The following USP25 variants were observed in gnomAD, a reference collection of about 807,000 sequenced individuals.
USP25 encodes the protein ubiquitin specific peptidase 25.
USP25 carries 85 observed loss-of-function variants against 158.5 expected under a neutral mutation model. That is an observed-to-expected ratio of 0.54 (90% CI 0.45 to 0.64). The LOEUF (loss-of-function observed/expected upper bound fraction) is 0.64. Among genes scored for constraint, USP25 ranks in the 30% least tolerant of loss-of-function variants. The probability of loss-of-function intolerance (pLI) is 0.00; values close to 1 mark genes in which losing one functional copy is unlikely to be tolerated. For missense variants in USP25, 1,242 were observed against 1,327.3 expected (o/e 0.94, Z 1.00); for synonymous variants, 464 against 460.4 (o/e 1.01, Z -0.10).
At chr21:15,861,593 A>G (rs2039429507) in intron 20 of USP25, among the ~76,000 whole-genome samples, 1 of 151,286 alleles carries the variant, frequency 6.6e-6, no homozygotes, top group Non-Finnish European at 1.5e-5. Flanking sequence ...ATATACTAGC[A>G]TGGAACATCT....
At chr21:15,845,874 G>A (rs1332348835) in intron 18 of USP25, among the ~76,000 whole-genome samples, 2 of 151,842 alleles carry the variant, frequency 1.3e-5, no homozygotes, top group Admixed American at 6.6e-5. Context: ...TCTGTAGAAT[G>A]TGTGTGATAG....
intron 1 of USP25, among the ~76,000 whole-genome samples, chr21:15,745,473 C>CTTTTTTTT (rs11284817): frequency 8.0e-5 from 9 of 112,988 alleles, no homozygotes; most frequent in Non-Finnish European, 1.2e-4. Context: ...TTTTTCTTTT[C>CTTTTTTTT]TTTTTTTTTT....
chr21:15,787,906 C>A (rs1165351836), intron 4 of USP25, among the ~76,000 whole-genome samples: 1 of 144,204 alleles, frequency 6.9e-6, no homozygotes, highest in Non-Finnish European at 1.5e-5. Context: ...CCCCTCACCC[C>A]CCCCCCAAGT....
intron 1 of USP25, among the ~76,000 whole-genome samples, chr21:15,733,625 G>A (rs1466853497): frequency 6.6e-6 from 1 of 152,064 alleles, no homozygotes; most frequent in Non-Finnish European, 1.5e-5. Flanking sequence ...CGGATCACGA[G>A]GTCAGGAGTT....
intron 1 of USP25, among the ~76,000 whole-genome samples, chr21:15,756,976 G>A (rs2123359719): frequency 6.6e-6 from 1 of 152,294 alleles, no homozygotes; most frequent in African/African-American, 2.4e-5. Flanking sequence ...GGAATTGCTG[G>A]TCAGGGAGAG....
intron 10 of USP25, among the ~76,000 whole-genome samples, chr21:15,823,369 G>A (rs2205588): frequency 0.076 from 11,595 of 152,036 alleles, 506 homozygotes; most frequent in East Asian, 0.099. Flanking sequence ...GCTGGGGGTA[G>A]GGGAAGGAAA....
At chr21:15,779,862 CAT>C (rs1270676821) in intron 4 of USP25, among the ~76,000 whole-genome samples, 1 of 151,968 alleles carries the variant, frequency 6.6e-6, no homozygotes, top group Non-Finnish European at 1.5e-5. Context: ...GTAAAAGAGT[CAT>C]ATTAATTATG....
intron 18 of USP25, among the ~76,000 whole-genome samples, chr21:15,844,741 T>C: frequency 6.6e-6 from 1 of 152,298 alleles, no homozygotes; most frequent in East Asian, 1.9e-4. Context: ...TCACTACTCA[T>C]AGTTAATTAT....
chr21:15,769,280 T>G (rs566129638), intron 3 of USP25, among the ~76,000 whole-genome samples: 1 of 152,188 alleles, frequency 6.6e-6, no homozygotes, highest in South Asian at 2.1e-4. Context: ...TACCTTTCAC[T>G]TTTGAGAGAA....
intron 18 of USP25, among the ~76,000 whole-genome samples, chr21:15,845,534 A>G (rs541446071): frequency 2.6e-5 from 4 of 152,298 alleles, no homozygotes; most frequent in South Asian, 2.1e-4. Context: ...AATCAGCATT[A>G]TGCTGTTGAA....
At chr21:15,750,693 G>A (rs2032943394) in intron 1 of USP25, among the ~76,000 whole-genome samples, 1 of 151,132 alleles carries the variant, frequency 6.6e-6, no homozygotes, top group Non-Finnish European at 1.5e-5. Flanking sequence ...TGCAAGCTCC[G>A]CCTCCCAGGT....
chr21:15,831,361 T>C (rs1487917714), intron 15 of USP25, 40 bp from the exon 16 acceptor site: 1 of 1,583,268 alleles, frequency 6.3e-7, no homozygotes, highest in African/African-American at 1.3e-5. Flanking sequence ...TATAGTAAAC[T>C]ACATAATTGC....
chr21:15,811,455 A>G (rs748417183), intron 9 of USP25, among the ~76,000 whole-genome samples: 1 of 152,140 alleles, frequency 6.6e-6, no homozygotes, highest in Non-Finnish European at 1.5e-5. Flanking sequence ...TTTTCCAGTG[A>G]GAGGGCTTCC....
At chr21:15,844,341 G>T (rs1030503928) in intron 18 of USP25, among the ~76,000 whole-genome samples, 1 of 152,080 alleles carries the variant, frequency 6.6e-6, no homozygotes, top group Non-Finnish European at 1.5e-5. Flanking sequence ...TGGAATATTA[G>T]TTTTATTTAT....
At chr21:15,859,991 AT>A (rs58141554) in intron 20 of USP25, among the ~76,000 whole-genome samples, 27,792 of 130,904 alleles carry the variant, frequency 0.21, 3,455 homozygotes, top group African/African-American at 0.4. Flanking sequence ...ATATATCTAT[AT>A]TTTTTTTTTT....
intron 23 of USP25, among the ~76,000 whole-genome samples, chr21:15,870,672 A>G (rs547407059): frequency 5.3e-5 from 8 of 152,302 alleles, no homozygotes; most frequent in African/African-American, 1.9e-4. Context: ...ACTAGTTTGC[A>G]TGTATTTCTC....
intron 17 of USP25, among the ~76,000 whole-genome samples, chr21:15,834,535 A>C (rs1020665755): frequency 1.2e-4 from 18 of 152,122 alleles, no homozygotes; most frequent in Admixed American, 1.3e-4. Flanking sequence ...GTTTCCTTGC[A>C]GCATTACCTG....
chr21:15,770,989 T>A (rs2034318431), intron 3 of USP25, among the ~76,000 whole-genome samples: 1 of 152,182 alleles, frequency 6.6e-6, no homozygotes, highest in Admixed American at 6.5e-5. Context: ...CTTGAAAAAA[T>A]TTTGAATATA....
chr21:15,846,158 A>ATATATAT (rs1325255884), intron 18 of USP25, among the ~76,000 whole-genome samples: 3 of 23,942 alleles, frequency 1.3e-4, no homozygotes, highest in Non-Finnish European at 2.1e-4. Context: ...ATATATATAT[A>ATATATAT]TTTTTTTTTT....
Sources: allele counts gnomAD v4.1 joint callset (sites outside exome capture counted in the v4.1 genomes callset), GRCh38; gene constraint gnomAD v4.1.1; transcripts MANE v1.5; gene names NCBI Gene and HGNC (gene_info 2026-07-23, HGNC 2026-07-21).